The following NCOA7 variants were observed in gnomAD, a reference collection of about 807,000 sequenced individuals.
NCOA7 encodes the protein nuclear receptor coactivator 7.
NCOA7 carries 45 observed loss-of-function variants against 104.3 expected under a neutral mutation model. The observed-to-expected ratio is 0.43, with a 90% CI of 0.34 to 0.55. The LOEUF is 0.55. NCOA7 is among the 20% of genes least tolerant of loss of function. NCOA7 has a pLI of 0.02. For missense variants in NCOA7, 1,041 were observed against 1,119.7 expected (o/e 0.93, Z 1.00); for synonymous variants, 398 against 402.3 (o/e 0.99, Z 0.13).
chr6:125,841,524 AT>A (rs1007347783), intron 2 of NCOA7, among the ~76,000 whole-genome samples: 3 of 151,264 alleles, frequency 2.0e-5, no homozygotes, highest in Non-Finnish European at 3.0e-5. Context: ...CCATTGTTGG[AT>A]TTTTTTTTAA....
At chr6:125,856,478 G>A (rs1036352716) in intron 3 of NCOA7, among the ~76,000 whole-genome samples, 4 of 151,926 alleles carry the variant, frequency 2.6e-5, no homozygotes, top group Admixed American at 6.6e-5. Context: ...TCAGCCTCCC[G>A]AGTAGCTGGG....
intron 1 of NCOA7, among the ~76,000 whole-genome samples, chr6:125,811,122 G>C (rs1776963426): frequency 6.6e-6 from 1 of 152,140 alleles, no homozygotes; most frequent in Non-Finnish European, 1.5e-5. Context: ...TAAACCACCT[G>C]ACCCAGGGCA....
intron 1 of NCOA7, among the ~76,000 whole-genome samples, chr6:125,813,919 A>G (rs1777321595): frequency 1.4e-5 from 1 of 73,614 alleles, no homozygotes; most frequent in African/African-American, 3.8e-5. Context: ...TTAGCTAATT[A>G]AGTATTCCTG....
chr6:125,799,509 G>A (rs1775682984), intron 1 of NCOA7, among the ~76,000 whole-genome samples: 1 of 150,388 alleles, frequency 6.6e-6, no homozygotes, highest in African/African-American at 2.5e-5. Flanking sequence ...GCGCTATCTC[G>A]GCTCACTGCA....
intron 2 of NCOA7, among the ~76,000 whole-genome samples, chr6:125,832,230 C>G (rs1779252577): frequency 1.3e-5 from 2 of 152,330 alleles, no homozygotes; most frequent in African/African-American, 4.8e-5. Flanking sequence ...TTTCAGGTTT[C>G]TTCCATGACA....
At position 125,919,263 on chromosome 6, in the gene NCOA7, C is replaced by T. The variant is rs1436374272; in HGVS notation, c.2245-1680C>T. ...CTAGATACTGAGAAAACAGTTGTAG[C>T]TCAGCGTGGCTACAAGTAACTGTGG... On this transcript the variant is annotated intron_variant, in intron 11 of 15. Coordinates refer to ENST00000392477, the MANE Select transcript of NCOA7 (RefSeq NM_181782.5). The T allele has an allele frequency of 2.5e-6, 4 of 1,610,842 alleles. No individual in the cohort carries two copies. The Admixed American group carries it at 5.0e-5, about 20-fold the overall frequency.
upstream of NCOA7, among the ~76,000 whole-genome samples, chr6:125,789,552 A>T (rs1402938087): frequency 6.6e-6 from 1 of 152,252 alleles, no homozygotes; most frequent in East Asian, 1.9e-4. Flanking sequence ...ATTTTCCCTT[A>T]CTAAATGCTA....
intron 3 of NCOA7, among the ~76,000 whole-genome samples, chr6:125,870,711 G>T (rs1782818318): frequency 2.0e-5 from 3 of 152,146 alleles, no homozygotes; most frequent in Non-Finnish European, 4.4e-5. Flanking sequence ...GAGAGAGAGA[G>T]GGGAGTCTTC....
intron 1 of NCOA7, among the ~76,000 whole-genome samples, chr6:125,783,063 C>T (rs775524857): frequency 4.6e-5 from 7 of 152,126 alleles, no homozygotes; most frequent in East Asian, 3.8e-4. Flanking sequence ...GGAATGCAGG[C>T]GGTTCCTCTT....
chr6:125,880,785 G>A (rs997400095), intron 5 of NCOA7, among the ~76,000 whole-genome samples: 3 of 152,076 alleles, frequency 2.0e-5, no homozygotes, highest in African/African-American at 7.2e-5. Flanking sequence ...GCCCACCTTG[G>A]TCTCCCAAAG....
chr6:125,890,650 C>T lies in NCOA7; in HGVS notation c.1936C>T (p.Pro646Ser), dbSNP rs1334851533. Residue 646 changes from proline (P) to serine (S), a missense_variant, in exon 10 of 16, where the codon CCT becomes TCT. Around this residue, in one of 2 missense-constraint regions of NCOA7, gnomAD observed 914 missense variants for 942.7 expected, o/e 0.97. Transcript: ENST00000392477. ...RIQVPIEDIL[P>S]SKEEKSKTPP... The stretch of plus-strand genomic sequence containing the variant: ...TTTCGTGTGTGATTCAGATATACTT[C>T]CTTCAAAAGAAGAAAAAAGCAAGAC... 2.5e-6 allele frequency: 4 copies of T among 1,611,192 alleles called. No homozygotes were observed. The highest frequency in any genetic ancestry group is 1.3e-5 in the African/African-American group (1 of 74,652).
At chr6:125,905,388 C>T (rs983717887) in intron 10 of NCOA7, among the ~76,000 whole-genome samples, 3 of 151,568 alleles carry the variant, frequency 2.0e-5, no homozygotes, top group African/African-American at 7.3e-5. Context: ...TCCCAAGTAG[C>T]TGGGATTACA....
intron 2 of NCOA7, among the ~76,000 whole-genome samples, chr6:125,850,228 A>G (rs1432208126): frequency 6.6e-6 from 1 of 152,212 alleles, no homozygotes; most frequent in Non-Finnish European, 1.5e-5. Flanking sequence ...GGGCTTCCAG[A>G]AACACATCTG....
At chr6:125,927,937 T>C (rs1026108957) in intron 14 of NCOA7, among the ~76,000 whole-genome samples, 179 bp downstream of exon 14, 1 of 152,208 alleles carries the variant, frequency 6.6e-6, no homozygotes, top group Non-Finnish European at 1.5e-5. Flanking sequence ...TCTGGGCTGC[T>C]CAGGCTGGGA....
intron 3 of NCOA7, among the ~76,000 whole-genome samples, chr6:125,858,346 A>G (rs1781761535): frequency 6.6e-6 from 1 of 152,178 alleles, no homozygotes; most frequent in African/African-American, 2.4e-5. Context: ...GGTAGCAGTA[A>G]GTAAAGAAAT....
intron 1 of NCOA7, among the ~76,000 whole-genome samples, chr6:125,805,012 T>G (rs945032046): frequency 4.6e-5 from 7 of 151,374 alleles, no homozygotes; most frequent in Non-Finnish European, 1.0e-4. Flanking sequence ...TGAATAGTAA[T>G]GGCTAACCTG....
intron 1 of NCOA7, among the ~76,000 whole-genome samples, chr6:125,811,355 T>A (rs1032029540): frequency 6.6e-6 from 1 of 152,258 alleles, no homozygotes; most frequent in African/African-American, 2.4e-5. Context: ...TAGGGAAGTA[T>A]AGTAAAAGTG....
chr6:125,842,885 C>A (rs1780296605), intron 2 of NCOA7, among the ~76,000 whole-genome samples: 1 of 152,166 alleles, frequency 6.6e-6, no homozygotes, highest in South Asian at 2.1e-4. Flanking sequence ...TTGCTACTCA[C>A]TGCCAGTAGT....
chr6:125,915,129 C>T (rs772148640), intron 10 of NCOA7, among the ~76,000 whole-genome samples: 7 of 152,148 alleles, frequency 4.6e-5, no homozygotes, highest in East Asian at 1.9e-4. Flanking sequence ...TTAACAGTTT[C>T]GCAGTGCCTG....
Sources: gnomAD v4.1 joint callset for allele counts (sites outside exome capture counted in the v4.1 genomes callset) on GRCh38, gnomAD v4.1.1 for gene constraint, gnomAD v4.1.1 regional missense constraint, MANE v1.5 for transcripts, NCBI Gene and HGNC (gene_info 2026-07-23, HGNC 2026-07-21) for gene names.